Variants in ARSB observed in about 807,000 individuals in gnomAD.
ARSB encodes the protein arylsulfatase B.
A neutral mutation model predicts 50.9 loss-of-function variants in ARSB; 41 were observed. That is an observed-to-expected ratio of 0.81 (90% confidence interval 0.63 to 1.04). The LOEUF (loss-of-function observed/expected upper bound fraction) is 1.04, where lower values mean the gene tolerates loss of function less well. ARSB is among the 50% of genes least tolerant of loss of function. ARSB has a pLI of 0.00. For synonymous variants in ARSB, 269 were observed against 284.8 expected (o/e 0.94, Z 0.56); for missense variants, 672 against 693.3 (o/e 0.97, Z 0.35).
chr5:78,806,510 C>A (rs1328732782), intron 6 of ARSB, among the ~76,000 whole-genome samples: 2 of 152,204 alleles, frequency 1.3e-5, no homozygotes. Flanking sequence ...TGCTTTCAGC[C>A]TCCTGTATCC....
At chr5:78,963,151 G>C (rs2112509787) in intron 3 of ARSB, among the ~76,000 whole-genome samples, 1 of 152,242 alleles carries the variant, frequency 6.6e-6, no homozygotes, top group East Asian at 1.9e-4. Flanking sequence ...GAGAGGGCTG[G>C]TTGTTAGAAA....
chr5:78,896,896 A>G (rs1360154761), intron 4 of ARSB, among the ~76,000 whole-genome samples: 2 of 152,208 alleles, frequency 1.3e-5, no homozygotes, highest in Non-Finnish European at 2.9e-5. Context: ...CTCTCAGTGT[A>G]ATACAGAGTA....
At chr5:78,803,294 C>T (rs987055753) in intron 6 of ARSB, among the ~76,000 whole-genome samples, 1 of 152,182 alleles carries the variant, frequency 6.6e-6, no homozygotes, top group Non-Finnish European at 1.5e-5. Flanking sequence ...TAGGGACGGC[C>T]GCCTCTTGTA....
chr5:78,939,352 A>G (rs1487832587), intron 4 of ARSB, among the ~76,000 whole-genome samples: 1 of 151,644 alleles, frequency 6.6e-6, no homozygotes, highest in Non-Finnish European at 1.5e-5. Context: ...ACATATGTAT[A>G]CATGTGCCAT....
chr5:78,816,287 A>C (rs1205068490), intron 6 of ARSB, among the ~76,000 whole-genome samples: 2 of 152,212 alleles, frequency 1.3e-5, no homozygotes, highest in African/African-American at 4.8e-5. Flanking sequence ...GGCCTAGAAA[A>C]GAAGGTGCTC....
intron 6 of ARSB, among the ~76,000 whole-genome samples, chr5:78,830,204 A>T (rs1744607807): frequency 1.3e-5 from 2 of 152,240 alleles, no homozygotes. Context: ...GGTCAGTTGG[A>T]CATGAGACAG....
At chr5:78,935,201 A>ATT (rs2112405566) in intron 4 of ARSB, among the ~76,000 whole-genome samples, 1 of 152,340 alleles carries the variant, frequency 6.6e-6, no homozygotes, top group East Asian at 1.9e-4. Flanking sequence ...AGAAAAGAAG[A>ATT]AAGTATCAGA....
At position 78,976,570 on chromosome 5, in the gene ARSB, A is replaced by G. The variant is rs563143241; in HGVS notation, c.313-7378T>C. On this transcript the variant is annotated intron_variant, in intron 1 of 7. Transcript: ENST00000264914. Reference sequence around the variant, plus strand: ...TGATCCACCCACCTAGGCCTCCCAAATTGCTGGGATTACAGGCATGAGCCA... The same window carrying G: ...TGATCCACCCACCTAGGCCTCCCAAGTTGCTGGGATTACAGGCATGAGCCA... 2.4e-3 allele frequency among the ~76,000 whole-genome samples: 363 copies of G among 152,104 alleles called. 1 individual carries two copies. The highest frequency in any genetic ancestry group is 0.02 in the Middle Eastern group (6 of 294).
chr5:78,894,836 G>T (rs1748488985), intron 4 of ARSB, among the ~76,000 whole-genome samples: 2 of 152,198 alleles, frequency 1.3e-5, no homozygotes, highest in Admixed American at 6.5e-5. Context: ...CCTCTGACCA[G>T]GGCATGCACA....
intron 6 of ARSB, among the ~76,000 whole-genome samples, chr5:78,802,575 C>A (rs556867998): frequency 3.3e-5 from 5 of 152,078 alleles, no homozygotes; most frequent in Admixed American, 6.6e-5. Context: ...GAGAAACAGC[C>A]CCGGGAAACA....
intron 4 of ARSB, among the ~76,000 whole-genome samples, chr5:78,941,249 C>G (rs1244341203): frequency 5.9e-4 from 90 of 151,318 alleles, no homozygotes; most frequent in Non-Finnish European, 7.4e-4. Flanking sequence ...ATTTGACTTC[C>G]TCTTTTCCTA....
chr5:78,976,470 C>T (rs928825494), intron 1 of ARSB, among the ~76,000 whole-genome samples: 1 of 151,866 alleles, frequency 6.6e-6, no homozygotes, highest in South Asian at 2.1e-4. Context: ...CGCTTACCAC[C>T]ACACTTGGTT....
chr5:78,831,621 G>A (rs1278187949), intron 6 of ARSB, among the ~76,000 whole-genome samples: 1 of 152,182 alleles, frequency 6.6e-6, no homozygotes, highest in Non-Finnish European at 1.5e-5. Flanking sequence ...AGTAGGACAT[G>A]ATGTACATGC....
At chr5:78,969,800 G>A (rs1212352869) in intron 1 of ARSB, among the ~76,000 whole-genome samples, 5 of 152,160 alleles carry the variant, frequency 3.3e-5, no homozygotes, top group Non-Finnish European at 5.9e-5. Flanking sequence ...TGTATTTTTA[G>A]TAGAGACGGG....
At chr5:78,901,268 C>T (rs967102860) in intron 4 of ARSB, among the ~76,000 whole-genome samples, 1 of 152,094 alleles carries the variant, frequency 6.6e-6, no homozygotes, top group Non-Finnish European at 1.5e-5. Context: ...AACATATTCA[C>T]AGGTTCCAGG....
intron 3 of ARSB, among the ~76,000 whole-genome samples, chr5:78,961,586 C>T (rs1751987668): frequency 6.6e-6 from 1 of 152,154 alleles, no homozygotes; most frequent in African/African-American, 2.4e-5. Flanking sequence ...AGAGAGCCCA[C>T]CCACAAAGAT....
chr5:78,917,436 T>C (rs1295341009), intron 4 of ARSB, among the ~76,000 whole-genome samples: 3 of 152,246 alleles, frequency 2.0e-5, no homozygotes, highest in East Asian at 1.9e-4. Context: ...GTCATTTTTT[T>C]TTCTTTTTTG....
At chr5:78,902,283 TCGGTTTCC>T (rs1258332787) in intron 4 of ARSB, among the ~76,000 whole-genome samples, 13 of 152,336 alleles carry the variant, frequency 8.5e-5, no homozygotes, top group African/African-American at 2.9e-4. Context: ...ACAGAAGGAT[TCGGTTTCC>T]AACACATGAA....
intron 4 of ARSB, among the ~76,000 whole-genome samples, chr5:78,935,524 G>GTGAA (rs995426865): frequency 6.6e-6 from 1 of 152,188 alleles, no homozygotes; most frequent in Non-Finnish European, 1.5e-5. Flanking sequence ...GAGTGAACAA[G>GTGAA]TGAATGAATG....
Sources: allele counts gnomAD v4.1 joint callset (sites outside exome capture counted in the v4.1 genomes callset), GRCh38; gene constraint gnomAD v4.1.1; transcripts MANE v1.5; gene names NCBI Gene and HGNC (gene_info 2026-07-23, HGNC 2026-07-21).